XRCC5: variants seen among roughly 807,000 people sequenced by gnomAD.
XRCC5 encodes the protein DNA repair protein Ku80.
A neutral mutation model predicts 95.7 loss-of-function variants in XRCC5; 12 were observed. The observed-to-expected ratio is 0.13, with a 90% CI of 0.08 to 0.20. The LOEUF (loss-of-function observed/expected upper bound fraction) is 0.20. XRCC5 is among the 10% of genes least tolerant of loss of function. The pLI is 1.00. For synonymous variants in XRCC5, 281 were observed against 290.3 expected (o/e 0.97, Z 0.33); for missense variants, 595 against 873.9 (o/e 0.68, Z 4.02).
chr2:216,194,810 A>G, intron 18 of XRCC5, 109 bp from the exon 19 acceptor site: 1 of 1,034,006 alleles, frequency 9.7e-7, no homozygotes. Flanking sequence ...GTCTCTATTT[A>G]AAAAAAAGAA....
chr2:216,131,109 T>G, intron 9 of XRCC5, 122 bp downstream of exon 9: 1 of 1,416,018 alleles, frequency 7.1e-7, no homozygotes. Context: ...TAAAATGTAG[T>G]CTGGGGGTTA....
chr2:216,121,972 A>G lies in XRCC5; in HGVS notation c.492-90A>G, dbSNP rs41299764. 1,634 of 1,194,902 alleles carry G rather than the reference A, an allele frequency of 1.4e-3. 14 individuals carry two copies. In the African/African-American group the frequency reaches 0.022, roughly 16 times the overall value. The allele number at this position is 1,194,902 out of a possible 1,614,324, so 74.0% of individuals were successfully genotyped here. A position where few individuals can be genotyped will look rare whatever the true frequency, so the allele number is the denominator to read the frequency against. On this transcript the variant is annotated intron_variant, in intron 5 of 20. Transcript: ENST00000392132. ...TGACAGATGAGAAATTTGAAACTTG[A>G]AAAGGTTGACTGATGTGCTCATTTT...
chr2:216,174,043 T>C (rs953351391), intron 16 of XRCC5, among the ~76,000 whole-genome samples: 3 of 152,246 alleles, frequency 2.0e-5, no homozygotes, highest in African/African-American at 7.2e-5. Flanking sequence ...AATACTGGAC[T>C]CATAGAATGA....
chr2:216,130,487 A>C (rs1005652543), intron 8 of XRCC5, among the ~76,000 whole-genome samples: 4 of 152,046 alleles, frequency 2.6e-5, no homozygotes, highest in Non-Finnish European at 4.4e-5. Context: ...GTGGGTCTCT[A>C]GGTTTCTGAA....
intron 14 of XRCC5, among the ~76,000 whole-genome samples, chr2:216,153,161 A>G (rs1359092946): frequency 6.6e-6 from 1 of 152,260 alleles, no homozygotes. Flanking sequence ...CTTGAAACTC[A>G]TCTTTCAAAA....
chr2:216,130,705 G>C (rs1055644011), intron 8 of XRCC5, 170 bp from the exon 9 acceptor site: 7 of 527,128 alleles, frequency 1.3e-5, no homozygotes, highest in Non-Finnish European at 2.3e-5. Context: ...TGTATCTGCT[G>C]CTGCTTTTTC....
At chr2:216,144,066 G>GA (rs922768060) in intron 13 of XRCC5, among the ~76,000 whole-genome samples, 5 of 152,060 alleles carry the variant, frequency 3.3e-5, no homozygotes, top group Non-Finnish European at 7.4e-5. Context: ...AGTAGAGAGA[G>GA]AAAAAACCAG....
chr2:216,132,235 G>C, intron 9 of XRCC5, 90 bp from the exon 10 acceptor site: 1 of 1,259,382 alleles, frequency 7.9e-7, no homozygotes, highest in Non-Finnish European at 1.2e-6. Context: ...TTCAGTAAGA[G>C]GATTTTGAAT....
At chr2:216,162,584 G>C (rs1342093122) in intron 16 of XRCC5, among the ~76,000 whole-genome samples, 1 of 151,792 alleles carries the variant, frequency 6.6e-6, no homozygotes, top group Non-Finnish European at 1.5e-5. Flanking sequence ...TTTAGACGGG[G>C]TTTCTCCATG....
intron 7 of XRCC5, 32 bp downstream of exon 7, chr2:216,126,063 T>C: frequency 6.5e-7 from 1 of 1,548,762 alleles, no homozygotes; most frequent in Middle Eastern, 1.7e-4. Flanking sequence ...TTAACAGAAA[T>C]GTTACCAGGC....
At chr2:216,144,015 A>G (rs1697212729) in intron 13 of XRCC5, among the ~76,000 whole-genome samples, 1 of 152,086 alleles carries the variant, frequency 6.6e-6, no homozygotes, top group Admixed American at 6.6e-5. Context: ...GCACCCGGCC[A>G]AGCTTACTTC....
intron 16 of XRCC5, chr2:216,175,198 C>A: frequency 2.7e-6 from 1 of 374,124 alleles, no homozygotes. Context: ...GTAGGCAGGC[C>A]CACCACCATT....
Position 216,120,942 on chromosome 2 carries a change from G to A in XRCC5, c.492-1120G>A, listed in dbSNP as rs534370880. On this transcript the variant is annotated intron_variant, in intron 5 of 20. Coordinates refer to ENST00000392132, the MANE Select transcript of XRCC5 (RefSeq NM_021141.4). ...GTAGAGATGGGGTTTTACCATGTTGGCCAGGCTGGTCTTGAACTCCGGACC... is the reference window on the plus strand; with the variant it reads ...GTAGAGATGGGGTTTTACCATGTTGACCAGGCTGGTCTTGAACTCCGGACC... Among the ~76,000 whole-genome samples, 13 of 152,178 alleles carry A rather than the reference G, an allele frequency of 8.5e-5. No individual in the cohort carries two copies. In the East Asian group the frequency reaches 2.5e-3, roughly 29 times the overall value.
chr2:216,187,881 C>G (rs1170629642), intron 16 of XRCC5, among the ~76,000 whole-genome samples: 2 of 108,476 alleles, frequency 1.8e-5, no homozygotes, highest in Non-Finnish European at 3.9e-5. Flanking sequence ...CCTGTCTCTC[C>G]CTCTCTCTCT....
intron 1 of XRCC5, 141 bp from the exon 2 acceptor site, chr2:216,112,875 C>A: frequency 1.6e-6 from 1 of 626,654 alleles, no homozygotes; most frequent in Non-Finnish European, 2.8e-6. Flanking sequence ...GTCTTACACA[C>A]ATTCTTATGT....
chr2:216,163,567 G>GAGCCATGGTGGCA (rs1553575111), intron 16 of XRCC5, among the ~76,000 whole-genome samples: 1 of 151,622 alleles, frequency 6.6e-6, no homozygotes, highest in African/African-American at 2.4e-5. Flanking sequence ...TGGGATTACT[G>GAGCCATGGTGGCA]TGAGCCACGG....
intron 16 of XRCC5, among the ~76,000 whole-genome samples, chr2:216,188,175 T>C (rs1159483276): frequency 6.6e-6 from 1 of 152,226 alleles, no homozygotes; most frequent in Non-Finnish European, 1.5e-5. Context: ...TGTTTCCTGC[T>C]GTGTAATTGC....
chr2:216,187,465 A>AGT (rs1689515718), intron 16 of XRCC5, among the ~76,000 whole-genome samples: 2 of 74,480 alleles, frequency 2.7e-5, no homozygotes, highest in Non-Finnish European at 5.5e-5. Flanking sequence ...TAAGATAGCA[A>AGT]CTGTGTGTGT....
At chr2:216,145,105 A>C (rs1299957310) in intron 13 of XRCC5, among the ~76,000 whole-genome samples, 1 of 152,180 alleles carries the variant, frequency 6.6e-6, no homozygotes, top group Non-Finnish European at 1.5e-5. Context: ...CTTTGGGGAC[A>C]CAGAATCAGT....
Sources: allele counts gnomAD v4.1 joint callset (sites outside exome capture counted in the v4.1 genomes callset), GRCh38; gene constraint gnomAD v4.1.1; transcripts MANE v1.5; gene names NCBI Gene and HGNC (gene_info 2026-07-23, HGNC 2026-07-21).